LTF: variants seen among roughly 807,000 people sequenced by gnomAD.
The protein encoded by LTF is epididymis luminal protein 110.
LTF carries 91 observed loss-of-function variants against 87.2 expected under a neutral mutation model. The ratio of observed to expected loss-of-function variants is 1.04; its 90% CI spans 0.88 to 1.24. The LOEUF (loss-of-function observed/expected upper bound fraction) is 1.24. Among genes scored for constraint, LTF ranks in the 50% most tolerant of loss-of-function variants. The pLI is 0.00. For synonymous variants in LTF, 378 were observed against 356.1 expected, an observed-to-expected ratio of 1.06 and a Z score of -0.69; for missense variants, 901 against 904.3, an observed-to-expected ratio of 1.00 and a Z score of 0.05.
Position 46,448,901 on chromosome 3 carries a change from A to C in LTF, c.1174T>G (p.Ser392Ala). 6.2e-7 allele frequency: 1 copy of C among 1,613,688 alleles called. No homozygotes were observed. Among genetic ancestry groups the C allele is most frequent in the Non-Finnish European group, 8.5e-7 (1 of 1,179,898 alleles). Residue 392 changes from serine to alanine, a missense_variant, in exon 9 of 17, where the codon TCG becomes GCG. Ser to Ala is a moderately conservative substitution (Grantham distance 99). Coordinates refer to ENST00000231751, the MANE Select transcript of LTF (RefSeq NM_002343.6). ...GLSEGSVTCS[S>A]ASTTEDCIAL... ...ATGCAGTCCTCTGTGGTGGAGGCCG[A>C]GGAGCAGGTCACGCTGCCTTCGCTC...
rs917037296 is a variant in LTF, at chr3:46,443,669, C to T, written c.1514-87G>A. The T allele has an allele frequency of 2.9e-6, 4 of 1,378,370 alleles. No individual in the cohort carries two copies. In the African/African-American group the frequency reaches 4.3e-5, roughly 15 times the overall value. The allele number at this position is 1,378,370 out of a possible 1,614,324, so 85.4% of individuals were successfully genotyped here. On this transcript the variant is annotated intron_variant, in intron 12 of 16. Coordinates refer to ENST00000231751, the MANE Select transcript of LTF (RefSeq NM_002343.6). Reference sequence around the variant, plus strand: ...CCTAACAGCCGATGCAGGGTGGTTTCAGTTCATTAGACTTCCCAGGACAGC... The same window carrying T: ...CCTAACAGCCGATGCAGGGTGGTTTTAGTTCATTAGACTTCCCAGGACAGC...
upstream of LTF, chr3:46,465,202 C>G: frequency 2.5e-6 from 1 of 406,474 alleles, no homozygotes; most frequent in Non-Finnish European, 4.5e-6. Context: ...GGTCTCAGTG[C>G]CTTCTAGAGG....
At chr3:46,439,550 T>C in intron 14 of LTF, 70 bp from the exon 15 acceptor site, 2 of 1,404,806 alleles carry the variant, frequency 1.4e-6, no homozygotes, top group Non-Finnish European at 1.9e-6. Context: ...TCTGGGTGGG[T>C]GTGGCCATTC....
intron 1 of LTF, chr3:46,463,650 ACT>A: frequency 1.0e-6 from 1 of 985,492 alleles, no homozygotes; most frequent in Non-Finnish European, 1.2e-6. Context: ...CAGTGGTGCA[ACT>A]CTGAGCCAGA....
At chr3:46,472,838 G>T (rs1417777541) in intron 1 of LTF, among the ~76,000 whole-genome samples, 3 of 152,116 alleles carry the variant, frequency 2.0e-5, no homozygotes, top group Non-Finnish European at 4.4e-5. Flanking sequence ...GTCTCAGCTT[G>T]AATCAATCCT....
chr3:46,469,814 A>C (rs911377484), upstream of LTF, among the ~76,000 whole-genome samples: 2 of 152,218 alleles, frequency 1.3e-5, no homozygotes, highest in South Asian at 4.1e-4. Context: ...ATCAGGAGGG[A>C]AGATCTGCTG....
chr3:46,446,140 G>T (rs1702648653), intron 11 of LTF, among the ~76,000 whole-genome samples: 1 of 152,112 alleles, frequency 6.6e-6, no homozygotes, highest in South Asian at 2.1e-4. Flanking sequence ...CTGGGCACTT[G>T]GGGACTCTCG....
chr3:46,450,079 C>A, intron 7 of LTF, 51 bp from the exon 8 acceptor site: 3 of 1,404,050 alleles, frequency 2.1e-6, no homozygotes, highest in Admixed American at 4.4e-5. Flanking sequence ...AGGGAGGAAA[C>A]AAAAAAATGA....
At chr3:46,460,620 A>G (rs1471659920) in intron 1 of LTF, 1 of 454,502 alleles carries the variant, frequency 2.2e-6, no homozygotes, top group South Asian at 1.6e-5. Flanking sequence ...TCATACTAAA[A>G]TGGTGAAAGA....
chr3:46,480,084 G>T (rs1355089343), intron 1 of LTF, among the ~76,000 whole-genome samples: 2 of 152,180 alleles, frequency 1.3e-5, no homozygotes, highest in African/African-American at 4.8e-5. Flanking sequence ...TCTAATCATG[G>T]TAAGACTGAC....
chr3:46,454,085 C>A, intron 6 of LTF: 1 of 565,456 alleles, frequency 1.8e-6, no homozygotes. Flanking sequence ...AGCACCTAGG[C>A]ATGGGTGTCT....
rs1204251453 is a variant in LTF at position 46,450,551 on chromosome 3, C to G, written c.826G>C (p.Ala276Pro). 1 of 1,614,112 alleles carries G rather than the reference C, an allele frequency of 6.2e-7. No individual in the cohort carries two copies. The highest frequency in any genetic ancestry group is 1.3e-5 in the African/African-American group (1 of 75,050). Residue 276 changes from alanine (A) to proline (P), a missense_variant, in exon 7 of 17, where the codon GCA (alanine) becomes CCA (proline). By Grantham distance (27) the Ala-to-Pro change is conservative. Transcript: ENST00000231751. ...LARVPSHAVV[A>P]RSVNGKEDAI... ...TCCTCCTTGCCATTCACACTTCGTG[C>G]CACAACGGCATGAGAAGGGACCCGG...
intron 13 of LTF, 94 bp downstream of exon 13, chr3:46,443,347 T>A: frequency 6.8e-7 from 1 of 1,468,748 alleles, no homozygotes. Flanking sequence ...CACTCTGCTG[T>A]GACAGGTCAC....
intron 1 of LTF, among the ~76,000 whole-genome samples, chr3:46,462,101 T>C (rs984641482): frequency 1.3e-5 from 2 of 152,208 alleles, no homozygotes; most frequent in Non-Finnish European, 2.9e-5. Context: ...GAAGCCTTTA[T>C]AGAACTATCC....
intron 14 of LTF, 140 bp from the exon 15 acceptor site, chr3:46,439,620 T>A: frequency 1.5e-6 from 1 of 657,546 alleles, no homozygotes; most frequent in East Asian, 2.8e-5. Flanking sequence ...GAGAAGGAGC[T>A]TCATCCTACA....
At chr3:46,444,101 G>A (rs1472260028) in intron 12 of LTF, among the ~76,000 whole-genome samples, 1 of 152,210 alleles carries the variant, frequency 6.6e-6, no homozygotes, top group African/African-American at 2.4e-5. Flanking sequence ...ATCCTTGAAA[G>A]ACAATTGGTA....
intron 1 of LTF, chr3:46,463,552 C>T: frequency 1.0e-6 from 1 of 985,536 alleles, no homozygotes; most frequent in Non-Finnish European, 1.2e-6. Flanking sequence ...CTTTGGGGTA[C>T]AAGCCACCAT....
At position 46,449,930 on chromosome 3, in the gene LTF, C is replaced by T. The variant is rs142806065; in HGVS notation, c.981G>A (p.Ser327=). ...LLFKDSAIGF[S]RVPPRIDSGL... is the part of the protein sequence containing the mutation. ...CAGAATCTATCCTCGGGGGCACCCT[C>T]GAAAACCCAATGGCAGAGTCCTTGA... The change falls in exon 8 of 17, where the codon TCG becomes TCA. Residue 327 remains serine, a synonymous_variant. Coordinates refer to ENST00000231751, the MANE Select transcript of LTF (RefSeq NM_002343.6). 6.8e-6 allele frequency: 11 copies of T among 1,614,016 alleles called. No homozygotes were observed. The highest frequency in any genetic ancestry group is 8.5e-6 in the Non-Finnish European group (10 of 1,180,036).
intron 5 of LTF, among the ~76,000 whole-genome samples, chr3:46,454,617 G>C (rs921817284): frequency 6.6e-6 from 1 of 152,236 alleles, no homozygotes; most frequent in Non-Finnish European, 1.5e-5. Context: ...ATATAAAGGA[G>C]AGTTTTGAAG....
Sources: allele counts gnomAD v4.1 joint callset (sites outside exome capture counted in the v4.1 genomes callset), GRCh38; gene constraint gnomAD v4.1.1; transcripts MANE v1.5; gene names NCBI Gene and HGNC (gene_info 2026-07-23, HGNC 2026-07-21).